Variants in ZFP91 observed in about 807,000 individuals in gnomAD.
ZFP91 encodes the protein E3 ubiquitin-protein ligase ZFP91.
Under a neutral mutation model 63.5 loss-of-function variants are expected in ZFP91, and 7 were observed. The ratio of observed to expected loss-of-function variants is 0.11; its 90% CI spans 0.06 to 0.21. The LOEUF (loss-of-function observed/expected upper bound fraction) is 0.21. Ranked by LOEUF, ZFP91 falls within the 10% of genes least tolerant of loss-of-function variation. ZFP91 has a pLI of 1.00. For missense variants in ZFP91, 628 were observed against 736.6 expected (o/e 0.85, Z 1.71); for synonymous variants, 330 against 272.1 (o/e 1.21, Z -2.10).
At chr11:58,607,157 A>G (rs1407754310) in intron 2 of ZFP91, among the ~76,000 whole-genome samples, 1 of 152,130 alleles carries the variant, frequency 6.6e-6, no homozygotes. Flanking sequence ...GAGTGAGTTC[A>G]AAGTCCAACT....
chr11:58,616,885 A>G, intron 10 of ZFP91, 70 bp downstream of exon 10: 1 of 1,433,948 alleles, frequency 7.0e-7, no homozygotes, highest in Non-Finnish European at 9.8e-7. Context: ...TTGCCGCTTT[A>G]CAAACATATT....
At chr11:58,597,993 C>T (rs1380208601) in intron 2 of ZFP91, among the ~76,000 whole-genome samples, 1 of 152,136 alleles carries the variant, frequency 6.6e-6, no homozygotes, top group Non-Finnish European at 1.5e-5. Context: ...AGAGATACCA[C>T]TTCTACTGTG....
intron 1 of ZFP91, among the ~76,000 whole-genome samples, chr11:58,581,362 T>G (rs959685331): frequency 6.6e-6 from 1 of 152,238 alleles, no homozygotes; most frequent in Admixed American, 6.5e-5. Context: ...ACCTGCTGTT[T>G]AATTTCTTTT....
At chr11:58,611,342 A>C in intron 5 of ZFP91, 1 of 498,828 alleles carries the variant, frequency 2.0e-6, no homozygotes, top group South Asian at 4.5e-5. Flanking sequence ...TTTTTAACTA[A>C]TTGTCTCGTT....
Position 58,579,276 on chromosome 11 carries a change from G to A in ZFP91, c.-6G>A. 1 of 1,440,028 alleles carries A rather than the reference G, an allele frequency of 6.9e-7. No individual in the cohort carries two copies. The highest frequency in any genetic ancestry group is 9.0e-7 in the Non-Finnish European group (1 of 1,105,592). The allele number at this position is 1,440,028 out of a possible 1,614,324, so 89.2% of individuals were successfully genotyped here. A position where few individuals can be genotyped will look rare whatever the true frequency, so the allele number is the denominator to read the frequency against. On this transcript the variant is annotated 5_prime_UTR_variant, in exon 1 of 11. Coordinates refer to ENST00000316059, the MANE Select transcript of ZFP91 (RefSeq NM_053023.5). ...GGACTAGGGGGTGGGGGACGGACAAGCCCCGATGCCGGGGGAGACGGAAGA... is the reference window on the plus strand; with the variant it reads ...GGACTAGGGGGTGGGGGACGGACAAACCCCGATGCCGGGGGAGACGGAAGA...
Position 58,618,034 on chromosome 11 carries a change from AC to A in ZFP91, c.*330del, listed in dbSNP as rs1372940867. The A allele has an allele frequency of 8.8e-6, 2 of 226,902 alleles. No homozygotes were observed. Among genetic ancestry groups the A allele is most frequent in the African/African-American group, 4.5e-5 (2 of 44,130 alleles). The allele number at this position is 226,902 out of a possible 1,614,324, so 14.1% of individuals were successfully genotyped here. A position where few individuals can be genotyped will look rare whatever the true frequency, so the allele number is the denominator to read the frequency against. ...GCTCATCGGCAGATCCCCCTTTCCA[AC>A]CTGTAACTCTGATGTGCTCTGGATC... On this transcript the variant is annotated 3_prime_UTR_variant, in exon 11 of 11. Coordinates refer to ENST00000316059, the MANE Select transcript of ZFP91 (RefSeq NM_053023.5).
intron 2 of ZFP91, among the ~76,000 whole-genome samples, chr11:58,597,488 T>A (rs1855422276): frequency 6.6e-6 from 1 of 152,180 alleles, no homozygotes; most frequent in Non-Finnish European, 1.5e-5. Context: ...TTTCTCCTAT[T>A]ATCTTGACAT....
intron 2 of ZFP91, among the ~76,000 whole-genome samples, chr11:58,591,341 C>T (rs974845923): frequency 6.6e-6 from 1 of 152,100 alleles, no homozygotes; most frequent in Non-Finnish European, 1.5e-5. Flanking sequence ...GGAATATAAC[C>T]ACAGTTTAAC....
chr11:58,584,984 AT>A, intron 2 of ZFP91, 100 bp downstream of exon 2: 1 of 989,650 alleles, frequency 1.0e-6, no homozygotes. Context: ...TTTAAAAGGA[AT>A]TTTTATTTGG....
rs745339155 is a variant in ZFP91, at chr11:58,617,580, G to T, written c.1587G>T (p.Met529Ile). The change falls in exon 11 of 11, where the codon ATG becomes ATT. Residue 529 changes from methionine (M) to isoleucine (I), a missense_variant. Transcript: ENST00000316059. This position sits in a 1 kb window ranked among gnomAD's most constrained non-coding sequence, Gnocchi z 4.2. ...YCSGTERVSL[M>I]ADGKIFVGSG... The stretch of plus-strand genomic sequence containing the variant: ...GTGGGACGGAACGGGTGAGCCTGAT[G>T]GCTGATGGGAAGATCTTTGTGGGAA... 6.2e-7 allele frequency: 1 copy of T among 1,610,908 alleles called. No individual in the cohort carries two copies.
In ZFP91 at chr11:58,611,616, G is replaced by A. The variant is rs1334656302; in HGVS notation, c.735G>A (p.Lys245=). Residue 245 remains lysine, a synonymous_variant, in exon 6 of 11, where the codon AAG becomes AAA. Coordinates refer to ENST00000316059, the MANE Select transcript of ZFP91 (RefSeq NM_053023.5). The part of the protein sequence containing the change: ...YKPHLERETP[K]PRRKSGKVKE... The stretch of plus-strand genomic sequence containing the variant: ...TTTGTGTTTTCAGGGAAACCCCAAA[G>A]CCACGGAGAAAATCAGGGAAGGTAA... 1.9e-6 allele frequency: 3 copies of A among 1,612,152 alleles called. No individual in the cohort carries two copies. The Admixed American group carries it at 5.0e-5, about 27-fold the overall frequency.
At chr11:58,592,791 T>C (rs1272952811) in intron 2 of ZFP91, among the ~76,000 whole-genome samples, 1 of 152,192 alleles carries the variant, frequency 6.6e-6, no homozygotes, top group Non-Finnish European at 1.5e-5. Context: ...TAGAAAGGAA[T>C]ATGTGAGACT....
At chr11:58,602,003 C>T (rs1855498213) in intron 2 of ZFP91, among the ~76,000 whole-genome samples, 1 of 152,062 alleles carries the variant, frequency 6.6e-6, no homozygotes, top group African/African-American at 2.4e-5. Flanking sequence ...CTCAATGCAA[C>T]CTCCACCTCC....
chr11:58,595,485 C>G (rs575409810), intron 2 of ZFP91, among the ~76,000 whole-genome samples: 1 of 151,694 alleles, frequency 6.6e-6, no homozygotes, highest in Non-Finnish European at 1.5e-5. Flanking sequence ...TAATAATTAT[C>G]TCTGGCTGTA....
intron 10 of ZFP91, 64 bp downstream of exon 10, chr11:58,616,879 C>T (rs991857281): frequency 1.1e-5 from 16 of 1,481,294 alleles, no homozygotes; most frequent in East Asian, 9.2e-5. Context: ...GAAGGTTTGC[C>T]GCTTTACAAA....
chr11:58,598,688 T>G (rs959868884), intron 2 of ZFP91, among the ~76,000 whole-genome samples: 1 of 152,048 alleles, frequency 6.6e-6, no homozygotes, highest in African/African-American at 2.4e-5. Flanking sequence ...TTTATGCTAA[T>G]GTATGGATTG....
intron 2 of ZFP91, among the ~76,000 whole-genome samples, chr11:58,604,915 A>G (rs1455633519): frequency 6.6e-6 from 1 of 152,214 alleles, no homozygotes; most frequent in African/African-American, 2.4e-5. Context: ...TTCTGCTAAT[A>G]TGTACCTTTT....
Position 58,617,142 on chromosome 11 carries a change from G to C in ZFP91, c.1203-54G>C. 2 of 1,503,004 alleles carry C rather than the reference G, an allele frequency of 1.3e-6. No individual in the cohort carries two copies. The highest frequency in any genetic ancestry group is 1.8e-6 in the Non-Finnish European group (2 of 1,124,854). 93.1% of individuals were successfully genotyped at this position (1,503,004 alleles called of 1,614,324 possible). On this transcript the variant is annotated intron_variant, in intron 10 of 10. Coordinates refer to ENST00000316059, the MANE Select transcript of ZFP91 (RefSeq NM_053023.5). The surrounding 1 kb of genome is among the most constrained non-coding windows in gnomAD (Gnocchi z 4.2). The stretch of plus-strand genomic sequence containing the variant: ...AAACTCTAACCCTGATCCTGAATAA[G>C]AGCACTCTTTATTTCTCTGTTGGAT...
chr11:58,601,832 T>C (rs753471085), intron 2 of ZFP91, among the ~76,000 whole-genome samples: 1 of 152,236 alleles, frequency 6.6e-6, no homozygotes, highest in Non-Finnish European at 1.5e-5. Flanking sequence ...CTGATATTGA[T>C]TTCTAGTTTC....
Sources: gnomAD v4.1 joint callset for allele counts (sites outside exome capture counted in the v4.1 genomes callset) on GRCh38, gnomAD v4.1.1 for gene constraint, Gnocchi (gnomAD v3.1) non-coding constraint, MANE v1.5 for transcripts, NCBI Gene and HGNC (gene_info 2026-07-23, HGNC 2026-07-21) for gene names.